SHLD1: variants seen among roughly 807,000 people sequenced by gnomAD.
The protein encoded by SHLD1 is shieldin complex subunit 1, also known as RINN1-REV7-interacting novel NHEJ regulator 3.
Under a neutral mutation model 5.5 loss-of-function variants are expected in SHLD1, and 3 were observed. The ratio of observed to expected loss-of-function variants is 0.54; its 90% CI spans 0.25 to 1.40. The LOEUF is 1.40. Among genes scored for constraint, SHLD1 ranks in the 40% most tolerant of loss-of-function variants. The pLI is 0.15. For synonymous variants in SHLD1, 92 were observed against 94.3 expected (o/e 0.98, Z 0.14); for missense variants, 210 against 244.4 (o/e 0.86, Z 0.94).
intron 2 of SHLD1, among the ~76,000 whole-genome samples, chr20:5,784,147 C>A (rs1353394581): frequency 1.0e-5 from 1 of 100,390 alleles, no homozygotes; most frequent in Non-Finnish European, 2.1e-5. Context: ...GTGAGACTGT[C>A]TTAAAAAAAA....
rs111701154 is a variant in SHLD1, at chr20:5,823,733, T to C, written c.179-39291T>C. 6.7e-3 allele frequency among the ~76,000 whole-genome samples: 1,019 copies of C among 152,134 alleles called. 6 individuals carry two copies. The highest frequency in any genetic ancestry group is 0.024 in the African/African-American group (987 of 41,490). On this transcript the variant is annotated intron_variant, in intron 2 of 2. Transcript: ENST00000303142. Reference sequence around the variant, plus strand: ...ACACTGTTGGGATTACAGGCATGAGTCACCGCGCCCAGCCAAAAATCTCAT... The same window carrying C: ...ACACTGTTGGGATTACAGGCATGAGCCACCGCGCCCAGCCAAAAATCTCAT...
At chr20:5,771,114 T>G (rs1049044237) in intron 1 of SHLD1, among the ~76,000 whole-genome samples, 6 of 152,194 alleles carry the variant, frequency 3.9e-5, no homozygotes, top group Admixed American at 3.9e-4. Context: ...ACACTATGCT[T>G]AGCTTTATCA....
intron 1 of SHLD1, among the ~76,000 whole-genome samples, chr20:5,768,961 A>G (rs145019461): frequency 7.0e-6 from 1 of 143,094 alleles, no homozygotes; most frequent in Admixed American, 7.4e-5. Flanking sequence ...GCTGGAGTGC[A>G]TTGGCACAAT....
chr20:5,824,761 A>G (rs1053900485), intron 2 of SHLD1, among the ~76,000 whole-genome samples: 2 of 152,004 alleles, frequency 1.3e-5, no homozygotes, highest in African/African-American at 4.8e-5. Context: ...ACATGGATTG[A>G]AGTTTGTGTC....
intron 2 of SHLD1, among the ~76,000 whole-genome samples, chr20:5,851,504 A>AG (rs992694253): frequency 1.1e-4 from 16 of 151,974 alleles, no homozygotes; most frequent in African/African-American, 3.6e-4. Flanking sequence ...TAAAAAAAAA[A>AG]AAAAGAAAAG....
chr20:5,835,578 A>G (rs932016552), intron 2 of SHLD1, among the ~76,000 whole-genome samples: 2 of 152,136 alleles, frequency 1.3e-5, no homozygotes, highest in African/African-American at 4.8e-5. Flanking sequence ...AGGTGAAGAA[A>G]ACTGGGAAGC....
At chr20:5,849,254 A>G (rs1202734552) in intron 2 of SHLD1, among the ~76,000 whole-genome samples, 4 of 152,218 alleles carry the variant, frequency 2.6e-5, no homozygotes, top group African/African-American at 7.2e-5. Context: ...TAAACCAGAA[A>G]GAGAACTCCA....
At chr20:5,751,238 A>G (rs1433082635) in intron 1 of SHLD1, among the ~76,000 whole-genome samples, 1 of 152,182 alleles carries the variant, frequency 6.6e-6, no homozygotes, top group Admixed American at 6.6e-5. Context: ...GAAATCATAC[A>G]GTGCAGCTGG....
chr20:5,786,176 C>T (rs931719407), intron 2 of SHLD1, among the ~76,000 whole-genome samples: 1 of 152,172 alleles, frequency 6.6e-6, no homozygotes, highest in Non-Finnish European at 1.5e-5. Flanking sequence ...TCCCTCTTCC[C>T]CAAGGTGGGT....
At chr20:5,793,101 T>G (rs1004712881) in intron 2 of SHLD1, among the ~76,000 whole-genome samples, 1 of 152,218 alleles carries the variant, frequency 6.6e-6, no homozygotes, top group Non-Finnish European at 1.5e-5. Flanking sequence ...ACGTAAGGGT[T>G]TATTTCTGGG....
chr20:5,781,137 G>A (rs1388151382), intron 2 of SHLD1, among the ~76,000 whole-genome samples: 1 of 152,122 alleles, frequency 6.6e-6, no homozygotes, highest in Non-Finnish European at 1.5e-5. Flanking sequence ...ATGAAATGAT[G>A]GTAAAATAAA....
intron 2 of SHLD1, among the ~76,000 whole-genome samples, chr20:5,778,283 GTTTTTTTT>G (rs377277543): frequency 7.7e-6 from 1 of 129,962 alleles, no homozygotes; most frequent in Non-Finnish European, 1.6e-5. Flanking sequence ...TGCCTGGCTA[GTTTTTTTT>G]TTTTTTTTTG....
intron 1 of SHLD1, among the ~76,000 whole-genome samples, chr20:5,751,745 AAC>A (rs1983761755): frequency 6.6e-6 from 1 of 152,212 alleles, no homozygotes; most frequent in African/African-American, 2.4e-5. Flanking sequence ...CCAGAGAGAA[AAC>A]ACAAACCCAA....
chr20:5,840,804 G>C (rs2087848180), intron 2 of SHLD1, among the ~76,000 whole-genome samples: 1 of 152,176 alleles, frequency 6.6e-6, no homozygotes, highest in Admixed American at 6.5e-5. Context: ...AGTGATTTAT[G>C]TTGGTTGTAA....
intron 2 of SHLD1, among the ~76,000 whole-genome samples, chr20:5,853,214 G>A (rs1342886993): frequency 1.3e-5 from 2 of 152,130 alleles, no homozygotes; most frequent in Admixed American, 1.3e-4. Flanking sequence ...AAATGGTCGG[G>A]CATGGTGGCT....
chr20:5,762,904 C>T (rs1455447972), intron 1 of SHLD1, among the ~76,000 whole-genome samples: 5 of 143,736 alleles, frequency 3.5e-5, no homozygotes, highest in South Asian at 2.2e-4. Context: ...ACCTGGGAGG[C>T]GGAGGTTGCA....
intron 1 of SHLD1, among the ~76,000 whole-genome samples, chr20:5,763,290 C>CAAAAA (rs57863188): frequency 6.0e-4 from 35 of 57,938 alleles, no homozygotes; most frequent in East Asian, 1.3e-3. Context: ...AACTCCATCT[C>CAAAAA]AAAAAAAAAA....
At chr20:5,761,235 A>C (rs1190408778) in intron 1 of SHLD1, among the ~76,000 whole-genome samples, 1 of 152,080 alleles carries the variant, frequency 6.6e-6, no homozygotes, top group Non-Finnish European at 1.5e-5. Context: ...GGAGGGGAAC[A>C]TCACACACTG....
chr20:5,775,039 G>A (rs1400047989), intron 2 of SHLD1, among the ~76,000 whole-genome samples: 3 of 152,184 alleles, frequency 2.0e-5, no homozygotes, highest in Non-Finnish European at 4.4e-5. Flanking sequence ...CTTTGTTTGT[G>A]TATGTATTTA....
Sources: gnomAD v4.1 joint callset for allele counts (sites outside exome capture counted in the v4.1 genomes callset) on GRCh38, gnomAD v4.1.1 for gene constraint, MANE v1.5 for transcripts, NCBI Gene and HGNC (gene_info 2026-07-23, HGNC 2026-07-21) for gene names.